Variants in LRRC27 observed in about 807,000 individuals in gnomAD.
LRRC27 encodes the protein leucine-rich repeat-containing protein 27.
In LRRC27, 57 loss-of-function variants were observed where a neutral mutation model predicts 55.0. The observed-to-expected ratio is 1.04, with a 90% CI of 0.84 to 1.29. The LOEUF is 1.29. Ranked by LOEUF, LRRC27 falls within the 50% of genes most tolerant of loss-of-function variation. LRRC27 has a pLI of 0.00. For synonymous variants in LRRC27, 278 were observed against 251.9 expected (o/e 1.10, Z -0.98); for missense variants, 721 against 651.5 (o/e 1.11, Z -1.16).
In LRRC27 at chr10:132,376,307, G is replaced by C. The variant is rs2069336242; in HGVS notation, c.*1065G>C. On this transcript the variant is annotated 3_prime_UTR_variant, in exon 11 of 11. Transcript: ENST00000368614. ...CATGGGTCTCTGCGCCCTGCACTTC[G>C]TACTTTCCGAGAGTTTAACTGGTGC... The C allele has an allele frequency of 6.6e-6, 1 of 152,180 alleles. No individual in the cohort carries two copies. Among genetic ancestry groups the C allele is most frequent in the Admixed American group, 6.5e-5 (1 of 15,284 alleles). The allele number at this position is 152,180 out of a possible 1,614,324, so 9.4% of individuals were successfully genotyped here.
intron 8 of LRRC27, among the ~76,000 whole-genome samples, chr10:132,360,111 CATTT>C (rs199791859): frequency 3.9e-5 from 6 of 151,982 alleles, no homozygotes; most frequent in East Asian, 1.9e-4. Flanking sequence ...CTGGATTTAG[CATTT>C]ATTTATTTAT....
At chr10:132,346,001 C>T (rs765342054) in intron 5 of LRRC27, among the ~76,000 whole-genome samples, 13 of 152,178 alleles carry the variant, frequency 8.5e-5, no homozygotes, top group East Asian at 3.9e-4. Flanking sequence ...CAGAAGTCAG[C>T]GATGGGACGC....
chr10:132,331,952 CAGGCGCACCACA>C, upstream of LRRC27: 3 of 552,646 alleles, frequency 5.4e-6, no homozygotes, highest in Non-Finnish European at 9.0e-6. Context: ...CGCCCCAGCG[CAGGCGCACCACA>C]CCCCGCCCCC....
Position 132,342,224 on chromosome 10 carries a change from CT to C in LRRC27, c.356del (p.Leu119CysfsTer3). ...GTTTTGCTTTAAAGGCATTTGAAAA[CT>C]TTGCTTTTAGAAAGAAATCCTATCA... Reference protein sequence around the residue: ...SGIGAHQHLKTLLLERNPIKM... With the variant: ...SGIGAHQHLKXLLLERNPIKM... On this transcript the variant is annotated frameshift_variant, in exon 4 of 11. Coordinates refer to ENST00000368614, the MANE Select transcript of LRRC27 (RefSeq NM_030626.3). LOFTEE classifies it high-confidence loss of function. 1 of 1,551,394 alleles carries C rather than the reference CT, an allele frequency of 6.4e-7. No homozygotes were observed. Among genetic ancestry groups the C allele is most frequent in the Non-Finnish European group, 8.7e-7 (1 of 1,147,186 alleles).
chr10:132,364,652 A>G (rs543247792), intron 9 of LRRC27, among the ~76,000 whole-genome samples: 599 of 59,052 alleles, frequency 0.01, 66 homozygotes, highest in Middle Eastern at 0.066. Flanking sequence ...ACCCACCCAC[A>G]CTTACATCTA....
chr10:132,330,572 A>G, upstream of LRRC27: 1 of 710,940 alleles, frequency 1.4e-6, no homozygotes, highest in East Asian at 2.7e-5. Context: ...AAGTGGCACA[A>G]TCATAACTCA....
chr10:132,353,489 A>G lies in LRRC27; in HGVS notation c.1073+1736A>G, dbSNP rs774898944. The G allele has an allele frequency of 1.6e-4, 140 of 864,144 alleles. 1 individual carries two copies. Among genetic ancestry groups the G allele is most frequent in the South Asian group, 1.5e-3 (30 of 19,740 alleles). The allele number at this position is 864,144 out of a possible 1,614,324, so 53.5% of individuals were successfully genotyped here. A position where few individuals can be genotyped will look rare whatever the true frequency, so the allele number is the denominator to read the frequency against. On this transcript the variant is annotated intron_variant, in intron 7 of 10. Coordinates refer to ENST00000368614, the MANE Select transcript of LRRC27 (RefSeq NM_030626.3). ...TGTGATTGTCCACAGCTGTCACCCAATGTCCAGAGAGACATTGTAGTTGGT... is the reference window on the plus strand; with the variant it reads ...TGTGATTGTCCACAGCTGTCACCCAGTGTCCAGAGAGACATTGTAGTTGGT...
In LRRC27 at chr10:132,351,757, A is replaced by C. The variant is rs368892707; in HGVS notation, c.1073+4A>C. The C allele has an allele frequency of 1.2e-6, 2 of 1,609,450 alleles. No homozygotes were observed. The highest frequency in any genetic ancestry group is 1.7e-6 in the Non-Finnish European group (2 of 1,177,802). ...CTCTGATGGAGCAGCAGAGACGGTG[A>C]GTCCACACAGGGTGGGGGTCCGCAC... On this transcript the variant is annotated splice_donor_region_variant and intron_variant, in intron 7 of 10. Coordinates refer to ENST00000368614, the MANE Select transcript of LRRC27 (RefSeq NM_030626.3).
chr10:132,363,538 G>A (rs1416980160), intron 9 of LRRC27, among the ~76,000 whole-genome samples: 2 of 152,174 alleles, frequency 1.3e-5, no homozygotes, highest in Non-Finnish European at 2.9e-5. Context: ...GGGAAGCCAA[G>A]GCTGGCCTCA....
At chr10:132,351,480 T>C (rs903216416) in intron 6 of LRRC27, 127 bp from the exon 7 acceptor site, 1 of 1,058,802 alleles carries the variant, frequency 9.4e-7, no homozygotes, top group Non-Finnish European at 1.4e-6. Flanking sequence ...GACTGCAGCT[T>C]CTAGTCGTGC....
intron 2 of LRRC27, among the ~76,000 whole-genome samples, chr10:132,335,401 C>T (rs1335926344): frequency 6.7e-6 from 1 of 149,228 alleles, no homozygotes; most frequent in African/African-American, 2.5e-5. Flanking sequence ...TCTTCCTGGA[C>T]TTCGCCTATT....
chr10:132,364,363 G>GCGCTTACACCCACACTTACACCCA (rs1564852818), intron 9 of LRRC27, among the ~76,000 whole-genome samples: 1 of 960 alleles, frequency 1.0e-3, no homozygotes, highest in African/African-American at 2.2e-3. Context: ...CTCCACACCC[G>GCGCTTACACCCACACTTACACCCA]CGCTTACACC....
intron 8 of LRRC27, among the ~76,000 whole-genome samples, chr10:132,356,285 T>C (rs2068309140): frequency 6.6e-6 from 1 of 152,214 alleles, no homozygotes; most frequent in African/African-American, 2.4e-5. Flanking sequence ...AGGTGAGCGC[T>C]ACAGAGGTCT....
At chr10:132,358,806 G>A (rs1490597994) in intron 8 of LRRC27, among the ~76,000 whole-genome samples, 1 of 45,958 alleles carries the variant, frequency 2.2e-5, no homozygotes, top group Non-Finnish European at 3.6e-5. Context: ...GGGAGGAGCC[G>A]AGGTGGTGGA....
At position 132,348,956 on chromosome 10, in the gene LRRC27, C is replaced by T. The variant is rs764256303; in HGVS notation, c.926+600C>T. 1 of 1,594,088 alleles carries T rather than the reference C, an allele frequency of 6.3e-7. No homozygotes were observed. The highest frequency in any genetic ancestry group is 1.1e-5 in the South Asian group (1 of 88,288). Reference sequence around the variant, plus strand: ...GGGCCGAGATTTTATTTTCCTTTCACACCCAGGACAAGGGTCCCTAGGAAA... The same window carrying T: ...GGGCCGAGATTTTATTTTCCTTTCATACCCAGGACAAGGGTCCCTAGGAAA... On this transcript the variant is annotated intron_variant, in intron 6 of 10. Transcript: ENST00000368614. This position sits in a 1 kb window ranked among gnomAD's most constrained non-coding sequence, Gnocchi z 4.2.
At chr10:132,334,616 C>T (rs1478731262) in intron 2 of LRRC27, among the ~76,000 whole-genome samples, 1 of 152,230 alleles carries the variant, frequency 6.6e-6, no homozygotes, top group Non-Finnish European at 1.5e-5. Context: ...ATAAACTCTA[C>T]ATTTGCATTG....
chr10:132,351,710 C>T lies in LRRC27; in HGVS notation c.1030C>T (p.Arg344Ter), dbSNP rs368297425. 65 of 1,613,682 alleles carry T rather than the reference C, an allele frequency of 4.0e-5. No individual in the cohort carries two copies. Among genetic ancestry groups the T allele is most frequent in the South Asian group, 2.4e-4 (22 of 91,078 alleles). ...RLEESRAAAL[R>*]ELQEKQALME... ...GGAAGAGAGCCGAGCGGCGGCGCTC[C>T]GAGAGCTCCAGGAGAAGCAGGCTCT... Residue 344 changes from arginine (R) to a stop codon, truncating the protein, a stop_gained, in exon 7 of 11, where the codon CGA becomes TGA. Transcript: ENST00000368614. LOFTEE classifies it high-confidence loss of function.
intron 3 of LRRC27, among the ~76,000 whole-genome samples, chr10:132,341,050 C>CTT (rs992163522): frequency 1.4e-4 from 21 of 152,278 alleles, no homozygotes; most frequent in African/African-American, 5.1e-4. Flanking sequence ...AATCCCAGCA[C>CTT]TTTGAGAGGC....
intron 5 of LRRC27, 33 bp from the exon 6 acceptor site, chr10:132,347,951 G>A: frequency 6.4e-7 from 1 of 1,551,314 alleles, no homozygotes; most frequent in Non-Finnish European, 8.7e-7. Context: ...TGGCGTTGAT[G>A]GTAGCTACTA....
Sources: gnomAD v4.1 joint callset for allele counts (sites outside exome capture counted in the v4.1 genomes callset) on GRCh38, gnomAD v4.1.1 for gene constraint, Gnocchi (gnomAD v3.1) non-coding constraint, MANE v1.5 for transcripts, NCBI Gene and HGNC (gene_info 2026-07-23, HGNC 2026-07-21) for gene names.